Variants in ZPLD1 observed in about 807,000 individuals in gnomAD.
The protein encoded by ZPLD1 is zona pellucida like domain containing 1.
In ZPLD1, 34 loss-of-function variants were observed where a neutral mutation model predicts 47.2. That is an observed-to-expected ratio of 0.72 (90% confidence interval 0.55 to 0.96). The LOEUF (loss-of-function observed/expected upper bound fraction) is 0.96. ZPLD1 is among the 40% of genes least tolerant of loss of function. The pLI is 0.00. For synonymous variants in ZPLD1, 176 were observed against 186.2 expected (o/e 0.95, Z 0.45); for missense variants, 512 against 505.8 (o/e 1.01, Z -0.12).
chr3:102,461,863 C>G (rs1001986905), intron 6 of ZPLD1, among the ~76,000 whole-genome samples: 1 of 151,834 alleles, frequency 6.6e-6, no homozygotes, highest in Non-Finnish European at 1.5e-5. Context: ...ACAGTGCCTA[C>G]AGTAAAGGGC....
intron 8 of ZPLD1, among the ~76,000 whole-genome samples, chr3:102,421,066 T>G (rs1247041021): frequency 5.3e-5 from 8 of 152,066 alleles, no homozygotes; most frequent in African/African-American, 1.9e-4. Context: ...AACTTGAACC[T>G]TTCACTAACA....
At chr3:102,411,884 C>T (rs1706751245) in intron 7 of ZPLD1, among the ~76,000 whole-genome samples, 1 of 151,694 alleles carries the variant, frequency 6.6e-6, no homozygotes, top group South Asian at 2.1e-4. Flanking sequence ...GTCTTAATGT[C>T]TCTCTATCAA....
intron 7 of ZPLD1, 134 bp from the exon 8 acceptor site, chr3:102,464,037 A>G: frequency 3.0e-6 from 2 of 665,122 alleles, no homozygotes; most frequent in Non-Finnish European, 5.1e-6. Context: ...GCAACGGAAC[A>G]AGACTCCGTC....
chr3:102,433,524 A>G (rs1355089786), upstream of ZPLD1, among the ~76,000 whole-genome samples: 10 of 152,064 alleles, frequency 6.6e-5, no homozygotes, highest in Admixed American at 6.5e-4. Flanking sequence ...GAAAAGAACA[A>G]TATTCTTTTT....
intron 7 of ZPLD1, among the ~76,000 whole-genome samples, chr3:102,394,557 A>G (rs1173795508): frequency 1.3e-5 from 2 of 152,096 alleles, no homozygotes; most frequent in Middle Eastern, 3.4e-3. Context: ...AAAAGTTTCC[A>G]TTGATCACTG....
intron 9 of ZPLD1, among the ~76,000 whole-genome samples, chr3:102,469,906 C>A (rs1291770097): frequency 1.3e-5 from 2 of 152,040 alleles, no homozygotes; most frequent in Non-Finnish European, 2.9e-5. Flanking sequence ...AAATGCATGC[C>A]CTTTTTTAAT....
At chr3:102,385,542 A>G (rs1321068512) in intron 6 of ZPLD1, among the ~76,000 whole-genome samples, 3 of 152,202 alleles carry the variant, frequency 2.0e-5, no homozygotes. Context: ...TATTACAAAG[A>G]TAAGTGAAAT....
At chr3:102,447,125 G>A (rs1017108196) in intron 3 of ZPLD1, among the ~76,000 whole-genome samples, 2 of 152,126 alleles carry the variant, frequency 1.3e-5, no homozygotes, top group African/African-American at 4.8e-5. Flanking sequence ...GAGTGCAGTG[G>A]CACACTCTCG....
intron 8 of ZPLD1, among the ~76,000 whole-genome samples, chr3:102,429,349 C>A (rs1706988072): frequency 6.6e-6 from 1 of 152,132 alleles, no homozygotes. Flanking sequence ...TCTGATTTGA[C>A]AGAATCTTGC....
In ZPLD1 at chr3:102,477,544, T is replaced by C; in HGVS notation, c.1174T>C (p.Ser392Pro). The C allele has an allele frequency of 1.9e-6, 3 of 1,613,858 alleles. No individual in the cohort carries two copies. The highest frequency in any genetic ancestry group is 2.5e-6 in the Non-Finnish European group (3 of 1,179,780). The change falls in exon 12 of 12, where the codon TCA (serine) becomes CCA (proline). Residue 392 changes from serine to proline, a missense_variant. Transcript: ENST00000466937. ...TACGAGCTTTTCTCTTCTTCTGTGCTCACTGGCCCTTCTGCACAGGAAGGG... is the reference window on the plus strand; with the variant it reads ...TACGAGCTTTTCTCTTCTTCTGTGCCCACTGGCCCTTCTGCACAGGAAGGG... The part of the protein sequence containing the change: ...GVTSFSLLLC[S>P]LALLHRKGPT...
chr3:102,407,392 AATATATATATATATATATAT>A lies in ZPLD1; in HGVS notation c.-156-10636_-156-10617del, dbSNP rs63183460. On this transcript the variant is annotated intron_variant, in intron 7 of 17. Coordinates refer to the ZPLD1 transcript ENST00000491959. ...GTATTTATAGAAGCCTTGATTTTCA[AATATATATATATATATATAT>A]ATATATATATATATATATATATATA... is the stretch of plus-strand genomic sequence containing the variant. Among the ~76,000 whole-genome samples, 213 of 37,894 alleles carry A rather than the reference AATATATATATATATATATAT, an allele frequency of 5.6e-3. 10 individuals are homozygous for A. Among genetic ancestry groups the A allele is most frequent in the South Asian group, 0.048 (26 of 546 alleles). 24.9% of individuals were successfully genotyped at this position (37,894 alleles called of 152,430 possible).
intron 3 of ZPLD1, among the ~76,000 whole-genome samples, chr3:102,439,425 T>C (rs1358137481): frequency 6.6e-6 from 1 of 152,188 alleles, no homozygotes; most frequent in Non-Finnish European, 1.5e-5. Flanking sequence ...AGAAATTGTC[T>C]GAATGTCTTC....
intron 8 of ZPLD1, among the ~76,000 whole-genome samples, chr3:102,422,450 T>C (rs1706891892): frequency 6.6e-6 from 1 of 152,102 alleles, no homozygotes; most frequent in Non-Finnish European, 1.5e-5. Context: ...AAAACATCAA[T>C]AGTGCCAGCT....
intron 6 of ZPLD1, among the ~76,000 whole-genome samples, chr3:102,391,580 C>A (rs1473527398): frequency 1.3e-5 from 2 of 151,954 alleles, no homozygotes; most frequent in Non-Finnish European, 2.9e-5. Context: ...CAAAGCAACC[C>A]CGTGGAGGAG....
intron 3 of ZPLD1, among the ~76,000 whole-genome samples, chr3:102,442,097 G>T (rs995537005): frequency 4.6e-5 from 7 of 152,030 alleles, no homozygotes; most frequent in Non-Finnish European, 1.0e-4. Context: ...TTTTCAAAAG[G>T]ATTAATACAC....
chr3:102,453,755 T>G (rs986896167), intron 4 of ZPLD1, among the ~76,000 whole-genome samples: 1 of 152,190 alleles, frequency 6.6e-6, no homozygotes. Flanking sequence ...TTGTGAAAAT[T>G]GAAACATCTC....
At chr3:102,430,778 T>C (rs1276792276), upstream of ZPLD1, among the ~76,000 whole-genome samples, 1 of 152,238 alleles carries the variant, frequency 6.6e-6, no homozygotes, top group Non-Finnish European at 1.5e-5. Context: ...TTCTCATAAA[T>C]ATTTTGCCTA....
chr3:102,433,836 A>C (rs1407259413), upstream of ZPLD1, among the ~76,000 whole-genome samples: 1 of 152,180 alleles, frequency 6.6e-6, no homozygotes, highest in Admixed American at 6.6e-5. Flanking sequence ...GCCAAGAACA[A>C]TGTTCTTTAT....
intron 8 of ZPLD1, among the ~76,000 whole-genome samples, chr3:102,427,526 G>A (rs1044518079): frequency 1.3e-5 from 2 of 152,132 alleles, no homozygotes; most frequent in Non-Finnish European, 2.9e-5. Flanking sequence ...TCTGATAAAG[G>A]AGGTGATATT....
Sources: allele counts gnomAD v4.1 joint callset (sites outside exome capture counted in the v4.1 genomes callset), GRCh38; gene constraint gnomAD v4.1.1; transcripts MANE v1.5; gene names NCBI Gene and HGNC (gene_info 2026-07-23, HGNC 2026-07-21).